The following MAGI2 variants were observed in gnomAD, a reference collection of about 807,000 sequenced individuals.
MAGI2 encodes membrane-associated guanylate kinase, WW and PDZ domain-containing protein 2.
MAGI2 carries 35 observed loss-of-function variants against 133.3 expected under a neutral mutation model. That is an observed-to-expected ratio of 0.26 (90% CI 0.20 to 0.35). MAGI2 has a LOEUF of 0.35. MAGI2 is among the 10% of genes least tolerant of loss of function. The probability of loss-of-function intolerance (pLI) is 1.00; values close to 1 mark genes in which losing one functional copy is unlikely to be tolerated. For synonymous variants in MAGI2, 729 were observed against 710.6 expected, an observed-to-expected ratio of 1.03 and a Z score of -0.41; for missense variants, 1,636 against 1,863.4, an observed-to-expected ratio of 0.88 and a Z score of 2.25.
chr7:78,319,495 A>G (rs1407558969), intron 9 of MAGI2, among the ~76,000 whole-genome samples: 1 of 152,230 alleles, frequency 6.6e-6, no homozygotes, highest in African/African-American at 2.4e-5. Flanking sequence ...GCTCATCTAC[A>G]TGGAAACTGA....
intron 1 of MAGI2, among the ~76,000 whole-genome samples, chr7:79,252,869 T>TAG (rs1833414647): frequency 6.6e-6 from 1 of 152,170 alleles, no homozygotes; most frequent in Non-Finnish European, 1.5e-5. Flanking sequence ...ATAAAAAATA[T>TAG]AGTTACAAGC....
intron 2 of MAGI2, among the ~76,000 whole-genome samples, chr7:78,746,748 A>G (rs1255679647): frequency 1.3e-5 from 2 of 152,194 alleles, no homozygotes; most frequent in Non-Finnish European, 2.9e-5. Context: ...TTATACAGGT[A>G]TCAGGTTTTG....
intron 2 of MAGI2, among the ~76,000 whole-genome samples, chr7:78,924,981 T>C (rs1799581202): frequency 6.6e-6 from 1 of 151,918 alleles, no homozygotes; most frequent in Non-Finnish European, 1.5e-5. Flanking sequence ...AAAAGTTAGA[T>C]AGGGAAAGGT....
At chr7:78,788,138 T>C (rs549741837) in intron 2 of MAGI2, among the ~76,000 whole-genome samples, 3 of 152,372 alleles carry the variant, frequency 2.0e-5, no homozygotes, top group African/African-American at 4.8e-5. Context: ...AATGGACTTC[T>C]GCTTCTTGGG....
At chr7:78,868,208 A>T (rs1199409225) in intron 2 of MAGI2, among the ~76,000 whole-genome samples, 1 of 152,252 alleles carries the variant, frequency 6.6e-6, no homozygotes, top group Non-Finnish European at 1.5e-5. Flanking sequence ...ATTAAGAATG[A>T]GTAAACCTTA....
At chr7:78,647,461 G>T (rs146274156) in intron 2 of MAGI2, among the ~76,000 whole-genome samples, 2 of 152,240 alleles carry the variant, frequency 1.3e-5, no homozygotes, top group South Asian at 4.1e-4. Context: ...TCTCATGCCC[G>T]TTAGAATGGT....
At chr7:79,034,451 G>A (rs1810919147) in intron 1 of MAGI2, among the ~76,000 whole-genome samples, 1 of 151,984 alleles carries the variant, frequency 6.6e-6, no homozygotes, top group South Asian at 2.1e-4. Flanking sequence ...GCTTAGTTTT[G>A]CCATTTCTTT....
intron 6 of MAGI2, among the ~76,000 whole-genome samples, chr7:78,405,019 C>T (rs1797250374): frequency 6.6e-6 from 1 of 151,996 alleles, no homozygotes; most frequent in African/African-American, 2.4e-5. Flanking sequence ...ATGGTTTCTT[C>T]CTTTACTGAG....
In MAGI2 at chr7:78,054,490, G is replaced by A. The variant is rs180927759; in HGVS notation, c.3706+24457C>T. Among the ~76,000 whole-genome samples the A allele has an allele frequency of 3.3e-3, 499 of 152,084 alleles. 1 individual carries two copies. Among genetic ancestry groups the A allele is most frequent in the Non-Finnish European group, 5.8e-3 (396 of 67,988 alleles). ...GAGGCAGGAATTCTGTCTTTAAAAA[G>A]CCTCCATCTCACTCTACGGACATTC... On this transcript the variant is annotated intron_variant, in intron 21 of 21. Transcript: ENST00000354212.
chr7:79,224,952 T>G (rs1436342149), intron 1 of MAGI2, among the ~76,000 whole-genome samples: 1 of 152,208 alleles, frequency 6.6e-6, no homozygotes, highest in Non-Finnish European at 1.5e-5. Flanking sequence ...ACAAATGGAT[T>G]TTACTGCATG....
At chr7:78,308,935 A>G (rs1798464876) in intron 9 of MAGI2, among the ~76,000 whole-genome samples, 1 of 152,236 alleles carries the variant, frequency 6.6e-6, no homozygotes, top group Non-Finnish European at 1.5e-5. Flanking sequence ...TTACTATACA[A>G]TTTTTCAAAT....
At chr7:79,243,410 T>C (rs1832571736) in intron 1 of MAGI2, among the ~76,000 whole-genome samples, 1 of 152,178 alleles carries the variant, frequency 6.6e-6, no homozygotes, top group Non-Finnish European at 1.5e-5. Context: ...CACTTGATGC[T>C]GGAAACAGAC....
intron 7 of MAGI2, among the ~76,000 whole-genome samples, chr7:78,357,330 G>C (rs1250146636): frequency 6.6e-6 from 1 of 152,106 alleles, no homozygotes; most frequent in Non-Finnish European, 1.5e-5. Context: ...TACATACCAA[G>C]TGCTTAATAA....
intron 3 of MAGI2, among the ~76,000 whole-genome samples, chr7:78,625,556 T>C (rs998353785): frequency 4.6e-5 from 7 of 152,132 alleles, no homozygotes; most frequent in Non-Finnish European, 1.0e-4. Flanking sequence ...GTACATTTAA[T>C]ATAGCCTAAG....
intron 21 of MAGI2, among the ~76,000 whole-genome samples, chr7:78,041,767 C>T (rs555685139): frequency 1.3e-5 from 2 of 152,302 alleles, no homozygotes; most frequent in African/African-American, 4.8e-5. Flanking sequence ...CAGAACCTAC[C>T]AGACTTGATG....
At chr7:78,706,287 GAA>G (rs539923587) in intron 2 of MAGI2, among the ~76,000 whole-genome samples, 13 of 152,048 alleles carry the variant, frequency 8.5e-5, no homozygotes, top group South Asian at 4.1e-4. Flanking sequence ...CATGAGATCC[GAA>G]AAGTTTATCA....
intron 9 of MAGI2, among the ~76,000 whole-genome samples, chr7:78,285,279 T>C (rs1206090847): frequency 5.9e-5 from 9 of 152,198 alleles, no homozygotes. Context: ...CTCCTTTGTA[T>C]CCTTAGATTT....
At chr7:78,180,572 GA>G (rs1827093323) in intron 13 of MAGI2, among the ~76,000 whole-genome samples, 1 of 152,122 alleles carries the variant, frequency 6.6e-6, no homozygotes, top group South Asian at 2.1e-4. Context: ...ACAGAGACAC[GA>G]ATAAGGCATT....
chr7:79,304,822 GA>G (rs1478945614), intron 1 of MAGI2, among the ~76,000 whole-genome samples: 7 of 152,148 alleles, frequency 4.6e-5, no homozygotes, highest in Admixed American at 4.6e-4. Context: ...GAGTCCACAT[GA>G]TATGGAAAAG....
Sources: gnomAD v4.1 joint callset for allele counts (sites outside exome capture counted in the v4.1 genomes callset) on GRCh38, gnomAD v4.1.1 for gene constraint, MANE v1.5 for transcripts, NCBI Gene and HGNC (gene_info 2026-07-23, HGNC 2026-07-21) for gene names.